Variants in FXR1 observed in about 807,000 individuals in gnomAD.
FXR1 encodes FMR1 autosomal homolog 1.
In FXR1, 15 loss-of-function variants were observed where a neutral mutation model predicts 84.0. The observed-to-expected ratio is 0.18, with a 90% CI of 0.12 to 0.27. The LOEUF is 0.27. FXR1 is among the 10% of genes least tolerant of loss of function. The pLI is 1.00. For synonymous variants in FXR1, 245 were observed against 250.7 expected (o/e 0.98, Z 0.21); for missense variants, 480 against 774.4 (o/e 0.62, Z 4.51).
At chr3:180,946,169 T>C (rs1222013802) in intron 3 of FXR1, among the ~76,000 whole-genome samples, 1 of 152,208 alleles carries the variant, frequency 6.6e-6, no homozygotes, top group Admixed American at 6.5e-5. Flanking sequence ...CTTTGGTCTT[T>C]TTGAACTGTT....
chr3:180,958,818 T>TTTTTCCTGGA (rs1322098447), intron 10 of FXR1, among the ~76,000 whole-genome samples: 1 of 151,046 alleles, frequency 6.6e-6, no homozygotes, highest in African/African-American at 2.4e-5. Context: ...TTTTTTTTTT[T>TTTTTCCTGGA]TTTTCCTGGA....
rs1714509647 is a variant in FXR1, at chr3:180,979,596, T to G, written c.*3304T>G. The G allele has an allele frequency of 6.6e-6, 1 of 152,012 alleles. No individual in the cohort carries two copies. Among genetic ancestry groups the G allele is most frequent in the Admixed American group, 6.6e-5 (1 of 15,252 alleles). The allele number at this position is 152,012 out of a possible 1,614,324, so 9.4% of individuals were successfully genotyped here. A position where few individuals can be genotyped will look rare whatever the true frequency, so the allele number is the denominator to read the frequency against. On this transcript the variant is annotated 3_prime_UTR_variant, in exon 17 of 17. Transcript: ENST00000357559. ...TTCTTTATTAGAACGTGTACTTGAA[T>G]GGACTGTAGTTGCTCATAACCCATG...
chr3:180,945,220 C>T (rs1009487512), intron 3 of FXR1, among the ~76,000 whole-genome samples: 5 of 152,148 alleles, frequency 3.3e-5, no homozygotes, highest in Non-Finnish European at 5.9e-5. Flanking sequence ...AAGGGATAGC[C>T]ATCTCTGTGC....
intron 8 of FXR1, among the ~76,000 whole-genome samples, chr3:180,952,810 T>A (rs479475): frequency 0.49 from 73,594 of 149,780 alleles, 20,453 homozygotes; most frequent in African/African-American, 0.77. Flanking sequence ...TTTTAAAATT[T>A]AAAAAAAATT....
At chr3:180,969,377 G>A (rs762567719) in intron 14 of FXR1, among the ~76,000 whole-genome samples, 7 of 152,196 alleles carry the variant, frequency 4.6e-5, no homozygotes, top group African/African-American at 1.7e-4. Flanking sequence ...AGGAATCTTA[G>A]GAAAAATCGG....
intron 2 of FXR1, among the ~76,000 whole-genome samples, chr3:180,934,605 A>G (rs998074921): frequency 2.0e-5 from 3 of 152,208 alleles, no homozygotes; most frequent in Non-Finnish European, 4.4e-5. Context: ...AATCTTTTGT[A>G]ATTCAGCTAT....
chr3:180,948,252 T>G lies in FXR1; in HGVS notation c.271-95T>G, dbSNP rs573661594. 4 of 821,398 alleles carry G rather than the reference T, an allele frequency of 4.9e-6. No individual in the cohort carries two copies. The Admixed American group carries it at 1.0e-4, about 21-fold the overall frequency. 50.9% of individuals were successfully genotyped at this position (821,398 alleles called of 1,614,324 possible). On this transcript the variant is annotated intron_variant, in intron 4 of 16. Transcript: ENST00000357559. ...GTATTTTATGCCACATGGGGGAGGG[T>G]CCGTTGGTTAAGCTGAGCAAGGTAA...
intron 13 of FXR1, among the ~76,000 whole-genome samples, chr3:180,964,973 A>G (rs1259490405): frequency 1.3e-5 from 2 of 151,794 alleles, no homozygotes; most frequent in Admixed American, 1.3e-4. Flanking sequence ...TGAGGGGAAA[A>G]TATGATTTTA....
chr3:180,930,270 AAAAG>A lies in FXR1; in HGVS notation c.52-3059_52-3056del, dbSNP rs556110603. On this transcript the variant is annotated intron_variant, in intron 1 of 16. Coordinates refer to ENST00000357559, the MANE Select transcript of FXR1 (RefSeq NM_005087.4). ...GAGTGAGACTCCATCTCAAAAAAAA[AAAAG>A]AAAGTAGTTGTACAGAGCTGTGTTT... Among the ~76,000 whole-genome samples, 17 of 152,296 alleles carry A rather than the reference AAAAG, an allele frequency of 1.1e-4. No individual in the cohort carries two copies. In the South Asian group the frequency reaches 1.9e-3, roughly 17 times the overall value.
rs370998297 is a variant in FXR1, at chr3:180,979,245, G to T, written c.*2953G>T. ...CTGCAAACAGATTTACGCTTTTGAG[G>T]CTCAAACCAACTAGTGTTCTCATGG... On this transcript the variant is annotated 3_prime_UTR_variant, in exon 17 of 17. Coordinates refer to ENST00000357559, the MANE Select transcript of FXR1 (RefSeq NM_005087.4). The T allele has an allele frequency of 5.9e-5, 9 of 152,218 alleles. No individual in the cohort carries two copies. Among genetic ancestry groups the T allele is most frequent in the East Asian group, 3.9e-4 (2 of 5,172 alleles). 9.4% of individuals were successfully genotyped at this position (152,218 alleles called of 1,614,324 possible). A position where few individuals can be genotyped will look rare whatever the true frequency, so the allele number is the denominator to read the frequency against.
At chr3:180,935,503 G>A (rs780046859) in intron 3 of FXR1, among the ~76,000 whole-genome samples, 33 of 152,120 alleles carry the variant, frequency 2.2e-4, no homozygotes, top group South Asian at 1.2e-3. Context: ...AAAGAACCTA[G>A]CATTGAACGC....
At chr3:180,956,534 A>T (rs1459425679) in intron 9 of FXR1, among the ~76,000 whole-genome samples, 1 of 152,158 alleles carries the variant, frequency 6.6e-6, no homozygotes, top group Non-Finnish European at 1.5e-5. Context: ...TGGTATGTCA[A>T]CCTAATCTTT....
intron 1 of FXR1, among the ~76,000 whole-genome samples, chr3:180,921,630 A>T (rs142605516): frequency 6.6e-6 from 1 of 152,308 alleles, no homozygotes; most frequent in East Asian, 1.9e-4. Context: ...TAAGCATCTT[A>T]TAAGTTTATA....
chr3:180,920,736 C>G (rs1187538886), intron 1 of FXR1, among the ~76,000 whole-genome samples: 3 of 152,136 alleles, frequency 2.0e-5, no homozygotes, highest in African/African-American at 4.8e-5. Context: ...ACCTTGAGCT[C>G]CTGATCTCAG....
intron 1 of FXR1, among the ~76,000 whole-genome samples, chr3:180,929,193 C>T (rs1560167358): frequency 1.3e-5 from 2 of 152,198 alleles, no homozygotes; most frequent in South Asian, 4.1e-4. Flanking sequence ...GCGTGAGCCA[C>T]CGCGCCCGGC....
intron 1 of FXR1, chr3:180,915,773 A>T: frequency 1.7e-6 from 1 of 601,644 alleles, no homozygotes; most frequent in Non-Finnish European, 3.0e-6. Context: ...ACTTTGATTA[A>T]AGTTTTTGTA....
Position 180,978,852 on chromosome 3 carries a change from G to C in FXR1, c.*2560G>C, listed in dbSNP as rs1714462623. On this transcript the variant is annotated 3_prime_UTR_variant, in exon 17 of 17. Transcript: ENST00000357559. ...GCAAAAATGACCTGCTTTTCCTGAA[G>C]CTTTGGGAGGCCTAGGATTCTTGCT... 1 of 152,106 alleles carries C rather than the reference G, an allele frequency of 6.6e-6. No individual in the cohort carries two copies. The highest frequency in any genetic ancestry group is 1.9e-4 in the East Asian group (1 of 5,190). 9.4% of individuals were successfully genotyped at this position (152,106 alleles called of 1,614,324 possible).
intron 13 of FXR1, among the ~76,000 whole-genome samples, chr3:180,963,924 C>A (rs560583753): frequency 6.6e-6 from 1 of 152,224 alleles, no homozygotes; most frequent in Admixed American, 6.5e-5. Context: ...CACTCCTATA[C>A]TTACTCCCTT....
At chr3:180,931,288 G>A (rs964705750) in intron 1 of FXR1, among the ~76,000 whole-genome samples, 1 of 151,638 alleles carries the variant, frequency 6.6e-6, no homozygotes, top group African/African-American at 2.4e-5. Context: ...GTGTAGCCTC[G>A]GCTCACTGCA....
Sources: gnomAD v4.1 joint callset for allele counts (sites outside exome capture counted in the v4.1 genomes callset) on GRCh38, gnomAD v4.1.1 for gene constraint, MANE v1.5 for transcripts, NCBI Gene and HGNC (gene_info 2026-07-23, HGNC 2026-07-21) for gene names.